CLCN7: variants seen among roughly 807,000 people sequenced by gnomAD.
The protein encoded by CLCN7 is H(+)/Cl(-) exchange transporter 7.
A neutral mutation model predicts 102.1 loss-of-function variants in CLCN7; 60 were observed. The ratio of observed to expected loss-of-function variants is 0.59; its 90% CI spans 0.48 to 0.73. CLCN7 has a LOEUF of 0.73. CLCN7 is among the 30% of genes least tolerant of loss of function. The pLI, the probability that CLCN7 is intolerant of heterozygous loss-of-function variation, is 0.00. For synonymous variants in CLCN7, 560 were observed against 490.5 expected (o/e 1.14, Z -1.87); for missense variants, 962 against 1,125.7 (o/e 0.85, Z 2.08).
intron 5 of CLCN7, 143 bp downstream of exon 5, chr16:1,460,673 G>A (rs577639933): frequency 2.8e-4 from 377 of 1,370,706 alleles, no homozygotes; most frequent in South Asian, 1.2e-3. Flanking sequence ...ACGTCTCACG[G>A]CCCAACCATG....
Position 1,453,717 on chromosome 16 carries a change from C to T in CLCN7, c.1214+117G>A, listed in dbSNP as rs993212557. ...AAACCATCAGGAAGGACGCTGCATA[C>T]ACAGCCTTTCTTTCGGCTGTGGCCT... On this transcript the variant is annotated intron_variant, in intron 14 of 24. Transcript: ENST00000382745. 3 of 987,374 alleles carry T rather than the reference C, an allele frequency of 3.0e-6. No individual in the cohort carries two copies. The African/African-American group carries it at 4.8e-5, about 16-fold the overall frequency. 61.2% of individuals were successfully genotyped at this position (987,374 alleles called of 1,614,324 possible).
At chr16:1,451,506 G>A (rs1173880942) in intron 16 of CLCN7, 117 bp downstream of exon 16, 3 of 785,504 alleles carry the variant, frequency 3.8e-6, no homozygotes, top group East Asian at 2.7e-5. Flanking sequence ...TATGATCCAT[G>A]CTAGGGATGA....
chr16:1,465,377 C>T (rs756690713), intron 1 of CLCN7, 39 bp from the exon 2 acceptor site: 13 of 1,561,698 alleles, frequency 8.3e-6, no homozygotes, highest in African/African-American at 2.7e-5. Context: ...GCTCAGGCGT[C>T]GCACGCTCTG....
In CLCN7 at chr16:1,457,675, G is replaced by A. The variant is rs567836069; in HGVS notation, c.738+19C>T. On this transcript the variant is annotated intron_variant, in intron 8 of 24. Transcript: ENST00000382745. This position sits in a 1 kb window ranked among gnomAD's most constrained non-coding sequence, Gnocchi z 5.4. ...GCGGCCTCAGGCTCCAGCTGGAGTG[G>A]CCATGTGCACTTTGTTACCTTTCCC... The A allele has an allele frequency of 2.9e-5, 46 of 1,612,774 alleles. No individual in the cohort carries two copies. Among genetic ancestry groups the A allele is most frequent in the South Asian group, 1.2e-4 (11 of 91,090 alleles).
chr16:1,472,925 C>T (rs1205067495), intron 1 of CLCN7, among the ~76,000 whole-genome samples: 1 of 151,166 alleles, frequency 6.6e-6, no homozygotes, highest in Non-Finnish European at 1.5e-5. Context: ...TATCACCACA[C>T]CTGGCTAATT....
rs756441751 is a variant in CLCN7, at chr16:1,474,857, C to A, written c.118G>T (p.Ala40Ser). ...ACCTGGCGCGCAGCCCCAGGCCCAG[C>A]CCCGTTCAGCAGCGGCGTCCCCCCG... ...PGGGTPLLNG[A>S]GPGAARQSPR... The change falls in exon 1 of 25, where the codon GCT becomes TCT. Residue 40 changes from alanine to serine, a missense_variant. Physicochemically the swap from Ala to Ser is moderately conservative, Grantham distance 99. Around this residue, in one of 2 missense-constraint regions of CLCN7, gnomAD observed 163 missense variants for 137.7 expected, o/e 1.18. Coordinates refer to ENST00000382745, the MANE Select transcript of CLCN7 (RefSeq NM_001287.6). 6 of 1,439,876 alleles carry A rather than the reference C, an allele frequency of 4.2e-6. No individual in the cohort carries two copies. The highest frequency in any genetic ancestry group is 4.0e-5 in the South Asian group (3 of 74,534). The allele number at this position is 1,439,876 out of a possible 1,614,324, so 89.2% of individuals were successfully genotyped here.
intron 2 of CLCN7, among the ~76,000 whole-genome samples, chr16:1,462,527 C>A (rs1215731396): frequency 2.6e-5 from 4 of 151,502 alleles, no homozygotes; most frequent in African/African-American, 9.7e-5. Context: ...AGGTGTGCAC[C>A]ACCACGCCTG....
At chr16:1,472,185 G>A (rs1270956898) in intron 1 of CLCN7, among the ~76,000 whole-genome samples, 1 of 152,270 alleles carries the variant, frequency 6.6e-6, no homozygotes, top group Non-Finnish European at 1.5e-5. Flanking sequence ...AGTATCCGCT[G>A]TTATTAAATG....
rs945611760 is a variant in CLCN7, at chr16:1,451,377, G to A, written c.1447+246C>T. ...TGTACTACCGTAGCCAGATAATGTT[G>A]CTTTTTTGCAAAGACAGAGTCTCGC... is the stretch of plus-strand genomic sequence containing the variant. On this transcript the variant is annotated intron_variant, in intron 16 of 24. Transcript: ENST00000382745. 6.6e-5 allele frequency among the ~76,000 whole-genome samples: 10 copies of A among 152,294 alleles called. 1 individual carries two copies. The highest frequency in any genetic ancestry group is 2.0e-4 in the Admixed American group (3 of 15,302).
intron 1 of CLCN7, among the ~76,000 whole-genome samples, chr16:1,470,544 G>A (rs1383800309): frequency 6.6e-6 from 1 of 152,198 alleles, no homozygotes; most frequent in African/African-American, 2.4e-5. Context: ...GGCCTTTGCT[G>A]TCCATGCAGT....
intron 2 of CLCN7, among the ~76,000 whole-genome samples, chr16:1,463,986 G>A (rs1311135317): frequency 6.6e-6 from 1 of 152,054 alleles, no homozygotes; most frequent in Non-Finnish European, 1.5e-5. Context: ...TGTTGATCAG[G>A]CTGATCTTGA....
At position 1,457,159 on chromosome 16, in the gene CLCN7, G is replaced by T; in HGVS notation, c.822+95C>A. ...GTCCTCAGATGGGGCTGGGGCTCTC[G>T]GCCTGGGGGTGCTGAGGGAAGCCCA... is the stretch of plus-strand genomic sequence containing the variant. On this transcript the variant is annotated intron_variant, in intron 9 of 24. Coordinates refer to ENST00000382745, the MANE Select transcript of CLCN7 (RefSeq NM_001287.6). The surrounding 1 kb of genome is among the most constrained non-coding windows in gnomAD (Gnocchi z 5.4). 8.4e-7 allele frequency: 1 copy of T among 1,190,430 alleles called. No homozygotes were observed. The highest frequency in any genetic ancestry group is 1.3e-6 in the Non-Finnish European group (1 of 799,312). The allele number at this position is 1,190,430 out of a possible 1,614,324, so 73.7% of individuals were successfully genotyped here. A position where few individuals can be genotyped will look rare whatever the true frequency, so the allele number is the denominator to read the frequency against.
chr16:1,465,391 C>T lies in CLCN7; in HGVS notation c.142-53G>A, dbSNP rs146479607. On this transcript the variant is annotated intron_variant, in intron 1 of 24. Transcript: ENST00000382745. ...CGCTCAGGCGTCGCACGCTCTGCTC[C>T]GTGGATTCTCACTCCCGCCGCCGCA... The T allele has an allele frequency of 1.6e-4, 248 of 1,507,340 alleles. No individual in the cohort carries two copies. The East Asian group carries it at 4.1e-3, about 25-fold the overall frequency. The allele number at this position is 1,507,340 out of a possible 1,614,324, so 93.4% of individuals were successfully genotyped here.
intron 23 of CLCN7, 50 bp downstream of exon 23, chr16:1,447,342 C>T (rs1567263337): frequency 3.3e-6 from 5 of 1,512,852 alleles, no homozygotes; most frequent in Non-Finnish European, 4.4e-6. Flanking sequence ...GACCCCACCC[C>T]CTGCTGTTCA....
intron 6 of CLCN7, among the ~76,000 whole-genome samples, 196 bp downstream of exon 6, chr16:1,460,222 G>C (rs1467043863): frequency 1.3e-5 from 2 of 151,878 alleles, no homozygotes; most frequent in African/African-American, 4.8e-5. Context: ...CAGCACCCCA[G>C]GGCTCTGGGG....
At chr16:1,450,085 A>C (rs1346039290) in intron 17 of CLCN7, 7 of 215,682 alleles carry the variant, frequency 3.2e-5, no homozygotes, top group African/African-American at 6.9e-5. Context: ...GCAGAGAAGG[A>C]AGGCCTGCGG....
intron 2 of CLCN7, 23 bp downstream of exon 2, chr16:1,465,244 G>T: frequency 6.2e-7 from 1 of 1,607,372 alleles, no homozygotes; most frequent in Non-Finnish European, 8.5e-7. Flanking sequence ...TCTGCGGGAG[G>T]ACGGGGAACA....
chr16:1,464,549 G>A (rs1031207982), intron 2 of CLCN7, among the ~76,000 whole-genome samples: 28 of 152,266 alleles, frequency 1.8e-4, no homozygotes, highest in South Asian at 4.1e-4. Flanking sequence ...CGCCGGCCTC[G>A]GGAGCGACTG....
chr16:1,459,070 C>A, intron 7 of CLCN7, 37 bp downstream of exon 7: 1 of 1,558,842 alleles, frequency 6.4e-7, no homozygotes, highest in Non-Finnish European at 8.8e-7. Context: ...AAAGAGCGGG[C>A]GCCCACCCTG....
Sources: allele counts gnomAD v4.1 joint callset (sites outside exome capture counted in the v4.1 genomes callset), GRCh38; gene constraint gnomAD v4.1.1; regional missense constraint gnomAD v4.1.1; non-coding constraint Gnocchi (gnomAD v3.1); transcripts MANE v1.5; gene names NCBI Gene and HGNC (gene_info 2026-07-23, HGNC 2026-07-21).